The following PTPRE variants were observed in gnomAD, a reference collection of about 807,000 sequenced individuals.
PTPRE encodes the protein protein tyrosine phosphatase receptor type E.
A neutral mutation model predicts 102.0 loss-of-function variants in PTPRE; 51 were observed. That is an observed-to-expected ratio of 0.50 (90% CI 0.40 to 0.63). The LOEUF (loss-of-function observed/expected upper bound fraction) is 0.63. PTPRE is among the 30% of genes least tolerant of loss of function. PTPRE has a pLI of 0.00. For synonymous variants in PTPRE, 345 were observed against 348.2 expected (o/e 0.99, Z 0.10); for missense variants, 752 against 915.1 (o/e 0.82, Z 2.30).
chr10:127,947,595 G>T (rs902312659), intron 1 of PTPRE, among the ~76,000 whole-genome samples: 2 of 152,150 alleles, frequency 1.3e-5, no homozygotes, highest in African/African-American at 2.4e-5. Context: ...GCTTTAAAAA[G>T]ATATGCTCTT....
At chr10:128,077,838 C>A in intron 19 of PTPRE, 55 bp downstream of exon 19, 2 of 1,536,460 alleles carry the variant, frequency 1.3e-6, no homozygotes, top group Admixed American at 1.8e-5. Context: ...TGCACCCCCC[C>A]AGTACCCGCA....
intron 2 of PTPRE, among the ~76,000 whole-genome samples, chr10:128,033,003 G>T (rs200183532): frequency 6.3e-5 from 2 of 31,556 alleles, no homozygotes; most frequent in African/African-American, 2.0e-4. Flanking sequence ...GGTATAATTT[G>T]TAATTTATAC....
At chr10:128,060,806 T>A in intron 7 of PTPRE, 133 bp from the exon 8 acceptor site, 1 of 750,534 alleles carries the variant, frequency 1.3e-6, no homozygotes, top group Non-Finnish European at 2.3e-6. Context: ...ATCCCTGGTG[T>A]CGCTGTGAAG....
intron 6 of PTPRE, among the ~76,000 whole-genome samples, chr10:128,049,909 C>T (rs1433813862): frequency 1.3e-5 from 2 of 152,170 alleles, no homozygotes; most frequent in Non-Finnish European, 2.9e-5. Flanking sequence ...TACACCTCCC[C>T]ACTCTGAGTG....
intron 17 of PTPRE, among the ~76,000 whole-genome samples, chr10:128,074,832 C>T (rs1249478379): frequency 6.6e-6 from 1 of 152,098 alleles, no homozygotes; most frequent in Non-Finnish European, 1.5e-5. Context: ...TTTTTGAGGA[C>T]CTGCCAGACT....
chr10:127,961,129 C>T (rs113790353), intron 1 of PTPRE, among the ~76,000 whole-genome samples: 2,835 of 152,184 alleles, frequency 0.019, 92 homozygotes, highest in African/African-American at 0.064. Flanking sequence ...AGAGCCGGGG[C>T]TTTGCGAGGG....
chr10:128,026,923 G>T (rs1029212138), intron 2 of PTPRE, among the ~76,000 whole-genome samples: 1 of 152,176 alleles, frequency 6.6e-6, no homozygotes, highest in Non-Finnish European at 1.5e-5. Context: ...TCTGGATTTT[G>T]TTTCTCCTTC....
In PTPRE at chr10:128,055,502, T is replaced by C. The variant is rs75484092; in HGVS notation, c.421-621T>C. On this transcript the variant is annotated intron_variant, in intron 6 of 20. Transcript: ENST00000254667. The stretch of plus-strand genomic sequence containing the variant: ...GCCCTGGGGATCATGGTAATGTTCG[T>C]GCTGATTCTGTGGGTCTGGGGTGTG... 1.5e-3 allele frequency among the ~76,000 whole-genome samples: 234 copies of C among 152,270 alleles called. 4 individuals carry two copies. The East Asian group carries it at 0.043, about 28-fold the overall frequency.
chr10:127,947,780 A>G (rs534178517), intron 1 of PTPRE, among the ~76,000 whole-genome samples: 17 of 152,282 alleles, frequency 1.1e-4, no homozygotes, highest in African/African-American at 4.1e-4. Context: ...CGGACTTAAA[A>G]TTCAGTCTAC....
chr10:128,023,185 T>C (rs1846044931), intron 2 of PTPRE, among the ~76,000 whole-genome samples: 1 of 152,148 alleles, frequency 6.6e-6, no homozygotes, highest in Admixed American at 6.6e-5. Flanking sequence ...ATTATTGTTG[T>C]TAATCTCTTA....
intron 1 of PTPRE, among the ~76,000 whole-genome samples, chr10:127,920,315 G>A (rs189539671): frequency 6.6e-6 from 1 of 152,214 alleles, no homozygotes. Flanking sequence ...GCCCCTTGGA[G>A]CATGAGGGGT....
chr10:127,950,235 G>T (rs948942921), intron 1 of PTPRE, among the ~76,000 whole-genome samples: 1 of 152,132 alleles, frequency 6.6e-6, no homozygotes, highest in Non-Finnish European at 1.5e-5. Flanking sequence ...CATAAAGGGA[G>T]CCGACTGAAT....
At chr10:127,932,688 G>A (rs538263631) in intron 1 of PTPRE, among the ~76,000 whole-genome samples, 2 of 152,350 alleles carry the variant, frequency 1.3e-5, no homozygotes, top group South Asian at 2.1e-4. Flanking sequence ...TCCTCACGCA[G>A]CAGTGACAAA....
At chr10:127,948,064 G>A (rs116158775) in intron 1 of PTPRE, among the ~76,000 whole-genome samples, 2,102 of 152,250 alleles carry the variant, frequency 0.014, 40 homozygotes, top group African/African-American at 0.048. Context: ...CCTAGGAGGG[G>A]TGAAGAGCTG....
intron 1 of PTPRE, among the ~76,000 whole-genome samples, chr10:127,932,247 G>C (rs934320148): frequency 9.9e-5 from 15 of 152,186 alleles, no homozygotes; most frequent in Non-Finnish European, 1.9e-4. Flanking sequence ...AAATTAACAT[G>C]CCGCGTTGAA....
At chr10:127,920,470 G>C (rs974552119) in intron 1 of PTPRE, among the ~76,000 whole-genome samples, 2 of 152,176 alleles carry the variant, frequency 1.3e-5, no homozygotes, top group African/African-American at 4.8e-5. Flanking sequence ...GCTCCTAGGT[G>C]GGGGAGTCCC....
At chr10:128,027,595 G>A (rs2135723620) in intron 2 of PTPRE, among the ~76,000 whole-genome samples, 1 of 152,320 alleles carries the variant, frequency 6.6e-6, no homozygotes, top group Non-Finnish European at 1.5e-5. Context: ...CCAGAAACAT[G>A]TGGGTCAGCG....
At chr10:128,023,582 G>A (rs561860714) in intron 2 of PTPRE, among the ~76,000 whole-genome samples, 1 of 152,156 alleles carries the variant, frequency 6.6e-6, no homozygotes, top group African/African-American at 2.4e-5. Context: ...TAAACTTTAC[G>A]TAGGTACATA....
chr10:128,070,438 G>A lies in PTPRE; in HGVS notation c.1281G>A (p.Glu427=), dbSNP rs1007775172. 3.1e-6 allele frequency: 5 copies of A among 1,613,656 alleles called. No individual in the cohort carries two copies. The African/African-American group carries it at 6.7e-5, about 22-fold the overall frequency. ...CCCACTTCGACAAGATCGGGCTGGA[G>A]GAGGAGTTCAGGGTGAGTACAGCTG... ...TTTHFDKIGL[E]EEFRKLTNVR... Residue 427 remains glutamate, a synonymous_variant, in exon 14 of 21, where the codon GAG becomes GAA. Transcript: ENST00000254667. The surrounding 1 kb of genome is among the most constrained non-coding windows in gnomAD (Gnocchi z 4.8).
Sources: allele counts gnomAD v4.1 joint callset (sites outside exome capture counted in the v4.1 genomes callset), GRCh38; gene constraint gnomAD v4.1.1; non-coding constraint Gnocchi (gnomAD v3.1); transcripts MANE v1.5; gene names NCBI Gene and HGNC (gene_info 2026-07-23, HGNC 2026-07-21).